The following RAD51 variants were observed in gnomAD, a reference collection of about 807,000 sequenced individuals.
RAD51 encodes RAD51 recombinase, also known as DNA repair protein RAD51 homolog 1.
RAD51 carries 14 observed loss-of-function variants against 41.5 expected under a neutral mutation model. That is an observed-to-expected ratio of 0.34 (90% CI 0.22 to 0.53). The LOEUF is 0.53. RAD51 is among the 20% of genes least tolerant of loss of function. The probability of loss-of-function intolerance (pLI) is 0.95; values close to 1 mark genes in which losing one functional copy is unlikely to be tolerated. For synonymous variants in RAD51, 136 were observed against 148.6 expected (o/e 0.92, Z 0.62); for missense variants, 234 against 422.0 (o/e 0.55, Z 3.90).
In RAD51 at chr15:40,731,643, G is replaced by A. The variant is rs533753957; in HGVS notation, c.*465G>A. 2.4e-5 allele frequency: 6 copies of A among 246,218 alleles called. No homozygotes were observed. The highest frequency in any genetic ancestry group is 4.0e-5 in the Non-Finnish European group (5 of 124,378). 15.3% of individuals were successfully genotyped at this position (246,218 alleles called of 1,614,324 possible). On this transcript the variant is annotated 3_prime_UTR_variant, in exon 10 of 10. Coordinates refer to ENST00000267868, the MANE Select transcript of RAD51 (RefSeq NM_002875.5). ...TTCTGTCAGTAAAACTCTCAAGCAG[G>A]TTTTTAAGTTGTCTGTCTGAATGAT...
chr15:40,714,945 C>T (rs942966369), intron 5 of RAD51, among the ~76,000 whole-genome samples: 6 of 150,852 alleles, frequency 4.0e-5, no homozygotes, highest in East Asian at 2.0e-4. Context: ...AGGCTGAGGC[C>T]GGAGGATTGC....
chr15:40,700,999 C>T (rs2141818905), intron 2 of RAD51, 65 bp from the exon 3 acceptor site: 1 of 1,598,474 alleles, frequency 6.3e-7, no homozygotes, highest in Non-Finnish European at 8.6e-7. Flanking sequence ...ATGTAGGACA[C>T]ATAACATCTG....
chr15:40,726,912 C>A (rs76295605), intron 6 of RAD51, among the ~76,000 whole-genome samples: 247 of 120,406 alleles, frequency 2.1e-3, no homozygotes, highest in Middle Eastern at 9.1e-3. Flanking sequence ...GACTCCGTCT[C>A]AAAAAAAAAA....
At chr15:40,710,056 C>T (rs1175352328) in intron 5 of RAD51, among the ~76,000 whole-genome samples, 1 of 151,846 alleles carries the variant, frequency 6.6e-6, no homozygotes, top group African/African-American at 2.4e-5. Flanking sequence ...TCCTGGCTAA[C>T]ACAGTGAAAC....
At position 40,700,786 on chromosome 15, in the gene RAD51, A is replaced by G. The variant is rs1028458562; in HGVS notation, c.88-278A>G. The stretch of plus-strand genomic sequence containing the variant: ...CAACAAACTACGTATCAAAAATTCA[A>G]TCAACTACATATCAAAAAAAAGTAT... On this transcript the variant is annotated intron_variant, in intron 2 of 9. Transcript: ENST00000267868. Among the ~76,000 whole-genome samples the G allele has an allele frequency of 2.6e-5, 4 of 151,144 alleles. No individual in the cohort carries two copies. In the East Asian group the frequency reaches 5.8e-4, roughly 22 times the overall value.
chr15:40,712,877 CTT>C (rs398039433), intron 5 of RAD51, among the ~76,000 whole-genome samples: 12 of 103,896 alleles, frequency 1.2e-4, no homozygotes, highest in South Asian at 7.0e-4. Context: ...CTTTTCTTTT[CTT>C]TTTTTTTTTT....
At chr15:40,703,112 A>G (rs1215273225) in intron 3 of RAD51, among the ~76,000 whole-genome samples, 31 of 152,270 alleles carry the variant, frequency 2.0e-4, no homozygotes, top group Admixed American at 1.9e-3. Context: ...TACTTGTACT[A>G]TAGTTATTTT....
chr15:40,716,491 G>A (rs956175926), intron 5 of RAD51, among the ~76,000 whole-genome samples: 2 of 151,242 alleles, frequency 1.3e-5, no homozygotes, highest in Admixed American at 6.6e-5. Context: ...CCAGCCTCCC[G>A]AGTAGCTGGG....
chr15:40,709,167 C>G, intron 5 of RAD51, 51 bp downstream of exon 5: 1 of 1,469,422 alleles, frequency 6.8e-7, no homozygotes, highest in Non-Finnish European at 9.5e-7. Context: ...TACTTCATTC[C>G]TGCTATTTGC....
intron 2 of RAD51, among the ~76,000 whole-genome samples, chr15:40,699,978 T>TA (rs965528500): frequency 1.9e-3 from 286 of 147,282 alleles, no homozygotes; most frequent in African/African-American, 5.1e-3. Flanking sequence ...AAAAGGCTAA[T>TA]AAAAAAAAAA....
At chr15:40,713,245 C>CT (rs368095686) in intron 5 of RAD51, among the ~76,000 whole-genome samples, 63,042 of 126,966 alleles carry the variant, frequency 0.5, 16,154 homozygotes, top group East Asian at 0.65. Flanking sequence ...TCTTATTTTC[C>CT]TTTTTTTTTT....
At chr15:40,719,490 A>G (rs1186576268) in intron 6 of RAD51, among the ~76,000 whole-genome samples, 4 of 152,224 alleles carry the variant, frequency 2.6e-5, no homozygotes, top group African/African-American at 4.8e-5. Flanking sequence ...AATAGTAACC[A>G]TAAGAGACAC....
chr15:40,705,509 G>C (rs1041395366), intron 3 of RAD51, among the ~76,000 whole-genome samples: 1 of 152,174 alleles, frequency 6.6e-6, no homozygotes, highest in South Asian at 2.1e-4. Context: ...TACAGTCTGC[G>C]GTTGATGGAG....
chr15:40,710,501 CAA>C (rs747933816), intron 5 of RAD51, among the ~76,000 whole-genome samples: 4 of 48,764 alleles, frequency 8.2e-5, no homozygotes, highest in South Asian at 9.2e-4. Flanking sequence ...GACTCTGTCT[CAA>C]AAAAAAAAAA....
intron 4 of RAD51, among the ~76,000 whole-genome samples, chr15:40,706,958 T>C (rs1895382502): frequency 6.6e-6 from 1 of 152,054 alleles, no homozygotes; most frequent in African/African-American, 2.4e-5. Flanking sequence ...ACACTAATCT[T>C]CAGGACTTCA....
chr15:40,725,242 G>A (rs1896522967), intron 6 of RAD51, among the ~76,000 whole-genome samples: 1 of 151,968 alleles, frequency 6.6e-6, no homozygotes, highest in Non-Finnish European at 1.5e-5. Flanking sequence ...GTGTTGCCCA[G>A]GCTGGTCTCA....
At chr15:40,697,704 C>T (rs1287724849) in intron 1 of RAD51, among the ~76,000 whole-genome samples, 1 of 151,274 alleles carries the variant, frequency 6.6e-6, no homozygotes, top group Non-Finnish European at 1.5e-5. Flanking sequence ...CAGCCTGCCA[C>T]CACGCCCAGC....
chr15:40,721,039 A>G (rs1896244230), intron 6 of RAD51, among the ~76,000 whole-genome samples: 1 of 152,196 alleles, frequency 6.6e-6, no homozygotes, highest in Non-Finnish European at 1.5e-5. Context: ...AAAATTAGCC[A>G]GGCATGGTGG....
chr15:40,719,055 T>C (rs541994475), intron 6 of RAD51, among the ~76,000 whole-genome samples, 156 bp downstream of exon 6: 71 of 152,026 alleles, frequency 4.7e-4, no homozygotes, highest in Non-Finnish European at 8.5e-4. Context: ...GAAAAAGGCA[T>C]TCTTTTTTTT....
Sources: allele counts gnomAD v4.1 joint callset (sites outside exome capture counted in the v4.1 genomes callset), GRCh38; gene constraint gnomAD v4.1.1; transcripts MANE v1.5; gene names NCBI Gene and HGNC (gene_info 2026-07-23, HGNC 2026-07-21).